TSNARE1: variants seen among roughly 807,000 people sequenced by gnomAD.
TSNARE1 encodes t-SNARE domain-containing protein 1.
In TSNARE1, 49 loss-of-function variants were observed where a neutral mutation model predicts 62.0. The ratio of observed to expected loss-of-function variants is 0.79; its 90% confidence interval spans 0.63 to 1.00. The LOEUF (loss-of-function observed/expected upper bound fraction) is 1.00. Ranked by LOEUF, TSNARE1 falls within the 50% of genes least tolerant of loss-of-function variation. The pLI is 0.00. For missense variants in TSNARE1, 755 were observed against 700.1 expected, an observed-to-expected ratio of 1.08 and a Z score of -0.88; for synonymous variants, 328 against 294.4, an observed-to-expected ratio of 1.11 and a Z score of -1.17.
At chr8:142,252,443 G>C (rs932733542) in intron 12 of TSNARE1, among the ~76,000 whole-genome samples, 1 of 152,186 alleles carries the variant, frequency 6.6e-6, no homozygotes. Flanking sequence ...TGGTTTCCCC[G>C]TCCTGCCCTG....
At chr8:142,305,238 C>A (rs960074201) in intron 9 of TSNARE1, among the ~76,000 whole-genome samples, 3 of 151,934 alleles carry the variant, frequency 2.0e-5, no homozygotes, top group Non-Finnish European at 4.4e-5. Context: ...GAGCTGTGGG[C>A]AGAGGGTGCC....
intron 13 of TSNARE1, 55 bp from the exon 14 acceptor site, chr8:142,212,368 G>A (rs539520620): frequency 6.6e-5 from 10 of 152,478 alleles, no homozygotes; most frequent in African/African-American, 2.2e-4. Flanking sequence ...GACAGGGAGA[G>A]CTCAGAGTGC....
intron 1 of TSNARE1, among the ~76,000 whole-genome samples, chr8:142,393,320 G>C (rs1167319418): frequency 6.6e-6 from 1 of 152,208 alleles, no homozygotes. Flanking sequence ...GTGGCTCCCA[G>C]GAGTTAAGGA....
intron 1 of TSNARE1, among the ~76,000 whole-genome samples, chr8:142,364,443 TG>T (rs1835392614): frequency 6.6e-6 from 1 of 152,318 alleles, no homozygotes; most frequent in South Asian, 2.1e-4. Flanking sequence ...AGTGTGTACA[TG>T]ACAGACATCT....
chr8:142,316,099 CGCCTCCCGTAAGA>C (rs1828488364), intron 7 of TSNARE1, among the ~76,000 whole-genome samples: 1 of 147,002 alleles, frequency 6.8e-6, no homozygotes, highest in Non-Finnish European at 1.5e-5. Flanking sequence ...GTAAGCGCAG[CGCCTCCCGTAAGA>C]GGGACCCAGC....
chr8:142,406,442 C>G (rs910974520), upstream of TSNARE1: 1 of 152,328 alleles, frequency 6.6e-6, no homozygotes, highest in Non-Finnish European at 1.5e-5. Context: ...CCCCACACAC[C>G]TGGAACACAC....
chr8:142,234,376 C>G (rs1296463143), intron 12 of TSNARE1, among the ~76,000 whole-genome samples: 7 of 151,476 alleles, frequency 4.6e-5, no homozygotes. Flanking sequence ...GCGCCATGAC[C>G]ACCACCATGG....
intron 4 of TSNARE1, among the ~76,000 whole-genome samples, chr8:142,332,161 C>G (rs1216927741): frequency 6.6e-6 from 1 of 152,222 alleles, no homozygotes; most frequent in East Asian, 1.9e-4. Context: ...AGGCTCAGAG[C>G]AGCATCACTA....
intron 1 of TSNARE1, among the ~76,000 whole-genome samples, chr8:142,380,968 C>T (rs934049976): frequency 3.3e-5 from 5 of 152,218 alleles, no homozygotes; most frequent in African/African-American, 1.2e-4. Context: ...CACCTGCACA[C>T]ACACCTGCAC....
At chr8:142,290,247 G>A (rs564452052) in intron 10 of TSNARE1, among the ~76,000 whole-genome samples, 116 of 152,256 alleles carry the variant, frequency 7.6e-4, no homozygotes, top group Non-Finnish European at 1.2e-3. Flanking sequence ...GGACTGCCCC[G>A]GATGGAGCCC....
intron 11 of TSNARE1, among the ~76,000 whole-genome samples, chr8:142,283,864 G>C (rs948105912): frequency 7.1e-6 from 1 of 141,312 alleles, no homozygotes; most frequent in African/African-American, 2.5e-5. Context: ...GTCTGTCAAC[G>C]AGCAGAGGCA....
chr8:142,235,421 C>T (rs1380558929), intron 12 of TSNARE1, among the ~76,000 whole-genome samples: 2 of 143,020 alleles, frequency 1.4e-5, no homozygotes, highest in Non-Finnish European at 3.1e-5. Flanking sequence ...CCGGCCCCTT[C>T]CTCCTGACCC....
chr8:142,240,324 A>G (rs1057133806), intron 12 of TSNARE1, among the ~76,000 whole-genome samples: 2 of 152,254 alleles, frequency 1.3e-5, no homozygotes, highest in Non-Finnish European at 2.9e-5. Flanking sequence ...TACAATCTTA[A>G]CGAAATAGCC....
At chr8:142,334,324 A>C (rs181808515) in intron 4 of TSNARE1, among the ~76,000 whole-genome samples, 4 of 152,318 alleles carry the variant, frequency 2.6e-5, no homozygotes, top group Admixed American at 1.3e-4. Context: ...CTGCTTAACT[A>C]AACTCCTTTA....
intron 13 of TSNARE1, 24 bp downstream of exon 13, chr8:142,229,449 T>C (rs200987509): frequency 1.3e-6 from 2 of 1,559,910 alleles, no homozygotes; most frequent in Non-Finnish European, 1.8e-6. Context: ...GAATGGATGG[T>C]GTACGGGTAG....
upstream of TSNARE1, chr8:142,403,644 G>T (rs995161131): frequency 3.9e-5 from 6 of 152,228 alleles, no homozygotes; most frequent in East Asian, 3.9e-4. Flanking sequence ...CGGGCTCCGC[G>T]TGGGGCCGTG....
chr8:142,237,100 G>A lies in TSNARE1; in HGVS notation c.1447-7521C>T, dbSNP rs1370756579. ...CGGGGTGGGCGGGTAGCCTGGGCTC[G>A]CTGTTCCCTCTGCCCAGTTCTTCCC... On this transcript the variant is annotated intron_variant, in intron 12 of 13. Coordinates refer to ENST00000524325, the MANE Select transcript of TSNARE1 (RefSeq NM_145003.5). 6.6e-5 allele frequency among the ~76,000 whole-genome samples: 10 copies of A among 151,964 alleles called. No homozygotes were observed. In the South Asian group the frequency reaches 1.2e-3, roughly 19 times the overall value.
chr8:142,329,928 C>A (rs1440588833), intron 6 of TSNARE1, among the ~76,000 whole-genome samples: 1 of 152,248 alleles, frequency 6.6e-6, no homozygotes, highest in Admixed American at 6.5e-5. Context: ...CAGGCGCCTG[C>A]GGATTTTGAA....
chr8:142,396,065 C>T (rs1336297840), intron 1 of TSNARE1, among the ~76,000 whole-genome samples: 1 of 152,112 alleles, frequency 6.6e-6, no homozygotes, highest in African/African-American at 2.4e-5. Flanking sequence ...GGCTCTCTGA[C>T]AGGACCCTTG....
Sources: allele counts gnomAD v4.1 joint callset (sites outside exome capture counted in the v4.1 genomes callset), GRCh38; gene constraint gnomAD v4.1.1; transcripts MANE v1.5; gene names NCBI Gene and HGNC (gene_info 2026-07-23, HGNC 2026-07-21).